Variants in PTPRB observed in about 807,000 individuals in gnomAD.
PTPRB encodes receptor-type tyrosine-protein phosphatase beta.
Under a neutral mutation model 238.1 loss-of-function variants are expected in PTPRB, and 97 were observed. That is an observed-to-expected ratio of 0.41 (90% CI 0.35 to 0.48). PTPRB has a LOEUF of 0.48. PTPRB is among the 20% of genes least tolerant of loss of function. PTPRB has a pLI of 0.30. For missense variants in PTPRB, 2,292 were observed against 2,681.9 expected (o/e 0.85, Z 3.21); for synonymous variants, 970 against 995.4 (o/e 0.97, Z 0.48).
At chr12:70,524,720 G>A in intron 32 of PTPRB, 129 bp from the exon 33 acceptor site, 1 of 940,748 alleles carries the variant, frequency 1.1e-6, no homozygotes, top group Non-Finnish European at 1.5e-6. Flanking sequence ...CTTCACTAAT[G>A]GTCTCTGGTA....
intron 16 of PTPRB, among the ~76,000 whole-genome samples, chr12:70,562,152 C>T (rs556932294): frequency 2.6e-5 from 4 of 152,150 alleles, no homozygotes; most frequent in African/African-American, 7.2e-5. Context: ...TGCATGGTGT[C>T]GTGTGCCTGT....
chr12:70,613,051 G>C (rs1415201430), intron 3 of PTPRB, among the ~76,000 whole-genome samples: 1 of 152,178 alleles, frequency 6.6e-6, no homozygotes, highest in Admixed American at 6.5e-5. Context: ...TATGAACATA[G>C]ATGTTGAATA....
chr12:70,559,530 G>T lies in PTPRB; in HGVS notation c.4527C>A (p.Asn1509Lys). The T allele has an allele frequency of 6.2e-7, 1 of 1,613,992 alleles. No homozygotes were observed. Among genetic ancestry groups the T allele is most frequent in the Non-Finnish European group, 8.5e-7 (1 of 1,179,868 alleles). ...WKGPPDWTDY[N>K]DFELQWLPRD... The stretch of plus-strand genomic sequence containing the variant: ...TGGGCAACCACTGCAGCTCAAAGTC[G>T]TTGTAGTCTGTCCAGTCTGGGGGCC... The change falls in exon 18 of 34, where the codon AAC becomes AAA. Residue 1509 changes from asparagine to lysine, a missense_variant. Transcript: ENST00000334414.
At chr12:70,564,518 CAAA>C (rs547350945) in intron 15 of PTPRB, among the ~76,000 whole-genome samples, 3 of 105,980 alleles carry the variant, frequency 2.8e-5, no homozygotes. Context: ...GACTCCATCT[CAAA>C]AAAAAAAAAA....
rs975352741 is a variant in PTPRB, at chr12:70,631,248, C to T, written c.451+4423G>A. Among the ~76,000 whole-genome samples the T allele has an allele frequency of 5.9e-5, 9 of 152,018 alleles. No individual in the cohort carries two copies. The South Asian group carries it at 8.3e-4, about 14-fold the overall frequency. ...AAACAGAGATATAGACCAATGGAAC[C>T]GAACAGAGCCCTCAGAAATAATACC... On this transcript the variant is annotated intron_variant, in intron 2 of 33. Transcript: ENST00000334414.
chr12:70,588,445 C>T (rs1882159735), intron 8 of PTPRB, among the ~76,000 whole-genome samples: 1 of 152,054 alleles, frequency 6.6e-6, no homozygotes, highest in Non-Finnish European at 1.5e-5. Flanking sequence ...AGCAGCCTGG[C>T]CAATATGGTG....
In PTPRB at chr12:70,552,822, T is replaced by A; in HGVS notation, c.5342A>T (p.Gln1781Leu). The A allele has an allele frequency of 6.2e-7, 1 of 1,614,026 alleles. No homozygotes were observed. The highest frequency in any genetic ancestry group is 8.5e-7 in the Non-Finnish European group (1 of 1,179,876). ...ESLGGKCDPT[Q>L]QKFCDGPLKP... is the part of the protein sequence containing the mutation. ...CAGTGGTCCATCACAGAATTTTTGCTGAGTGGGATCGCATTTTCCACCTAG... is the reference window on the plus strand; with the variant it reads ...CAGTGGTCCATCACAGAATTTTTGCAGAGTGGGATCGCATTTTCCACCTAG... Residue 1781 changes from glutamine to leucine, a missense_variant, in exon 21 of 34, where the codon CAG becomes CTG. Gln to Leu is a moderately radical substitution (Grantham distance 113). Transcript: ENST00000334414.
Position 70,589,966 on chromosome 12 carries a change from G to C in PTPRB, c.2048C>G (p.Thr683Arg). The change falls in exon 8 of 34, where the codon ACA (threonine) becomes AGA (arginine). Residue 683 changes from threonine (T) to arginine (R), a missense_variant and splice_region_variant. Transcript: ENST00000334414. ...LKNSERCQGRTVPLAVLQLRV... is the reference protein window; with the variant it reads ...LKNSERCQGRRVPLAVLQLRV... ...TTAACATCTTCATATTTGCCTACCT[G>C]TCCTGCCTTGGCAACGCTCAGAATT... 2.5e-6 allele frequency: 4 copies of C among 1,613,062 alleles called. No homozygotes were observed. Among genetic ancestry groups the C allele is most frequent in the Non-Finnish European group, 3.4e-6 (4 of 1,179,622 alleles).
rs2136474420 is a variant in PTPRB, at chr12:70,594,518, T to C, written c.1465A>G (p.Met489Val). 6.2e-7 allele frequency: 1 copy of C among 1,613,982 alleles called. No homozygotes were observed. The highest frequency in any genetic ancestry group is 8.5e-7 in the Non-Finnish European group (1 of 1,179,886). The change falls in exon 6 of 34, where the codon ATG (methionine) becomes GTG (valine). Residue 489 changes from methionine to valine, a missense_variant. Coordinates refer to ENST00000334414, the MANE Select transcript of PTPRB (RefSeq NM_001109754.4). ...TPGYLYNLTV[M>V]TEAAGLQNYR... is the part of the protein sequence containing the mutation. ...TTTTGCAGCCCTGCAGCCTCAGTCA[T>C]AACAGTGAGGTTGTAGAGGTAGCCA...
rs1871481682 is a variant in PTPRB at position 70,519,815 on chromosome 12, G to A, written c.*1674C>T. On this transcript the variant is annotated 3_prime_UTR_variant, in exon 34 of 34. Transcript: ENST00000334414. ...GACTGTCATTTCACAAGAGCATTGA[G>A]CACAATGAAACTGTGAATCTTTGAA... The A allele has an allele frequency of 1.2e-5, 2 of 160,270 alleles. No individual in the cohort carries two copies. Among genetic ancestry groups the A allele is most frequent in the South Asian group, 1.8e-4 (1 of 5,664 alleles). 9.9% of individuals were successfully genotyped at this position (160,270 alleles called of 1,614,324 possible).
rs1409267130 is a variant in PTPRB, at chr12:70,635,878, C to T, written c.244G>A (p.Ala82Thr). 2 of 1,613,756 alleles carry T rather than the reference C, an allele frequency of 1.2e-6. No individual in the cohort carries two copies. The highest frequency in any genetic ancestry group is 2.2e-5 in the East Asian group (1 of 44,848). ...SNSSRGPSRSAILDRCSQAPR... is the reference protein window; with the variant it reads ...SNSSRGPSRSTILDRCSQAPR... The stretch of plus-strand genomic sequence containing the variant: ...GCCTGGGAACAGCGGTCCAAGATGG[C>T]TGAGCGGGAGGGGCCGCGGGAAGAG... Residue 82 changes from alanine to threonine, a missense_variant, in exon 2 of 34, where the codon GCC becomes ACC. Transcript: ENST00000334414.
chr12:70,567,600 T>A (rs1879471027), intron 14 of PTPRB, among the ~76,000 whole-genome samples: 1 of 152,212 alleles, frequency 6.6e-6, no homozygotes, highest in East Asian at 1.9e-4. Context: ...CAGGACCACA[T>A]CATACCCTTT....
rs374389649 is a variant in PTPRB at position 70,530,317 on chromosome 12, CAAAT to C, written c.6504+1714_6504+1717del. Among the ~76,000 whole-genome samples the C allele has an allele frequency of 1.3e-4, 20 of 152,136 alleles. No homozygotes were observed. In the East Asian group the frequency reaches 3.9e-3, roughly 29 times the overall value. ...GTGGTCATAGTTTTAAAGAGTATCTCAAATATACATATATATGTATACATGTTCA... is the reference window on the plus strand; with the variant it reads ...GTGGTCATAGTTTTAAAGAGTATCTCATACATATATATGTATACATGTTCA... On this transcript the variant is annotated intron_variant, in intron 32 of 33. Coordinates refer to ENST00000334414, the MANE Select transcript of PTPRB (RefSeq NM_001109754.4).
At chr12:70,549,570 T>A (rs1257768682) in intron 21 of PTPRB, among the ~76,000 whole-genome samples, 1 of 152,220 alleles carries the variant, frequency 6.6e-6, no homozygotes, top group Admixed American at 6.5e-5. Flanking sequence ...CAATCCTAAT[T>A]ATTCTTTTAC....
chr12:70,528,040 A>C (rs1009660437), intron 32 of PTPRB, among the ~76,000 whole-genome samples: 8 of 152,234 alleles, frequency 5.3e-5, no homozygotes, highest in African/African-American at 1.7e-4. Flanking sequence ...AATGCCATTA[A>C]AAGTAATGGC....
chr12:70,581,310 A>G lies in PTPRB; in HGVS notation c.2312-8T>C. On this transcript the variant is annotated splice_region_variant and splice_polypyrimidine_tract_variant and intron_variant, in intron 9 of 33. Transcript: ENST00000334414. ...CAGTCACTTGGGCAGGCACTAAAAC[A>G]GTAGACAGAAGAAAAAACAAATGAC... 1 of 1,588,794 alleles carries G rather than the reference A, an allele frequency of 6.3e-7. No homozygotes were observed. Among genetic ancestry groups the G allele is most frequent in the African/African-American group, 1.4e-5 (1 of 73,874 alleles).
chr12:70,556,129 G>GT lies in PTPRB; in HGVS notation c.4733dup (p.Asn1578LysfsTer20). The GT allele has an allele frequency of 6.2e-7, 1 of 1,613,378 alleles. No individual in the cohort carries two copies. The highest frequency in any genetic ancestry group is 8.5e-7 in the Non-Finnish European group (1 of 1,179,486). Reference sequence around the variant, plus strand: ...TGGAGTTCTGAGGCCGGCAATGCAGGTTTTGTATCTTGTCAGGCTCTAAAG... The same window carrying GT: ...TGGAGTTCTGAGGCCGGCAATGCAGGTTTTTGTATCTTGTCAGGCTCTAAAG... On this transcript the variant is annotated frameshift_variant, in exon 19 of 34. Transcript: ENST00000334414. LOFTEE classifies it high-confidence loss of function.
At chr12:70,567,302 A>G (rs989064594) in intron 14 of PTPRB, among the ~76,000 whole-genome samples, 11 of 152,122 alleles carry the variant, frequency 7.2e-5, no homozygotes, top group African/African-American at 2.7e-4. Context: ...TAAGGTGACA[A>G]CTCCCAAATT....
chr12:70,613,154 G>A (rs547486726), intron 3 of PTPRB, among the ~76,000 whole-genome samples: 7 of 152,098 alleles, frequency 4.6e-5, no homozygotes, highest in Admixed American at 2.0e-4. Context: ...GAGGGGCAGT[G>A]GTGTTGGATG....
Sources: allele counts gnomAD v4.1 joint callset (sites outside exome capture counted in the v4.1 genomes callset), GRCh38; gene constraint gnomAD v4.1.1; transcripts MANE v1.5; gene names NCBI Gene and HGNC (gene_info 2026-07-23, HGNC 2026-07-21).